The following LDLRAD4 variants were observed in gnomAD, a reference collection of about 807,000 sequenced individuals.
LDLRAD4 encodes the protein low density lipoprotein receptor class A domain containing 4.
In LDLRAD4, 5 loss-of-function variants were observed where a neutral mutation model predicts 17.0. That is an observed-to-expected ratio of 0.29 (90% CI 0.15 to 0.62). The LOEUF (loss-of-function observed/expected upper bound fraction) is 0.62, where lower values mean the gene tolerates loss of function less well. Among genes scored for constraint, LDLRAD4 ranks in the 20% least tolerant of loss-of-function variants. LDLRAD4 has a pLI of 0.84. For missense variants in LDLRAD4, 340 were observed against 424.7 expected (o/e 0.80, Z 1.75); for synonymous variants, 168 against 171.8 (o/e 0.98, Z 0.17).
At chr18:13,481,050 G>A (rs1623787) in intron 3 of LDLRAD4, among the ~76,000 whole-genome samples, 127,027 of 152,224 alleles carry the variant, frequency 0.83, 57,085 homozygotes, top group Non-Finnish European at 1. Context: ...TCCTAGGGAC[G>A]GACATGGGGT....
intron 3 of LDLRAD4, among the ~76,000 whole-genome samples, chr18:13,587,902 C>T (rs544314545): frequency 3.3e-5 from 5 of 152,248 alleles, no homozygotes; most frequent in Admixed American, 1.3e-4. Context: ...TAGTAATAGC[C>T]GGTAGCTGAT....
At chr18:13,583,101 G>A (rs200365922) in intron 3 of LDLRAD4, among the ~76,000 whole-genome samples, 36 of 152,110 alleles carry the variant, frequency 2.4e-4, no homozygotes, top group African/African-American at 7.2e-4. Context: ...TATTTCACCC[G>A]CACCATAAGA....
At chr18:13,236,221 A>G (rs2042323677) in intron 1 of LDLRAD4, among the ~76,000 whole-genome samples, 1 of 151,680 alleles carries the variant, frequency 6.6e-6, no homozygotes, top group Non-Finnish European at 1.5e-5. Flanking sequence ...GTTTCTCGTT[A>G]GATGTGGAAA....
chr18:13,513,512 G>A (rs2093814813), intron 3 of LDLRAD4, among the ~76,000 whole-genome samples: 1 of 152,176 alleles, frequency 6.6e-6, no homozygotes, highest in African/African-American at 2.4e-5. Context: ...GCAAACTTCA[G>A]GAGCTTCAGA....
At chr18:13,479,753 A>AT (rs2093037660) in intron 3 of LDLRAD4, among the ~76,000 whole-genome samples, 1 of 152,256 alleles carries the variant, frequency 6.6e-6, no homozygotes, top group South Asian at 2.1e-4. Context: ...AAAAAACCTG[A>AT]TTAAAAAATT....
At chr18:13,384,316 G>A (rs1443002118) in intron 1 of LDLRAD4, among the ~76,000 whole-genome samples, 1 of 151,926 alleles carries the variant, frequency 6.6e-6, no homozygotes, top group African/African-American at 2.4e-5. Flanking sequence ...ATATATGTGG[G>A]GTACAATGTA....
At chr18:13,550,810 A>G (rs2094425370) in intron 3 of LDLRAD4, among the ~76,000 whole-genome samples, 1 of 152,170 alleles carries the variant, frequency 6.6e-6, no homozygotes, top group African/African-American at 2.4e-5. Context: ...AGTGGTGTCC[A>G]GAACCTGGCT....
At chr18:13,373,349 A>G (rs185441672) in intron 1 of LDLRAD4, among the ~76,000 whole-genome samples, 106 of 152,226 alleles carry the variant, frequency 7.0e-4, no homozygotes, top group Non-Finnish European at 1.1e-3. Flanking sequence ...GTATAAATAT[A>G]TGTGTATTTT....
chr18:13,424,123 G>A (rs2089724252), intron 2 of LDLRAD4, among the ~76,000 whole-genome samples: 1 of 126,472 alleles, frequency 7.9e-6, no homozygotes, highest in East Asian at 2.4e-4. Flanking sequence ...CGACGAGAGT[G>A]AAACTCCATC....
intron 2 of LDLRAD4, among the ~76,000 whole-genome samples, chr18:13,428,039 T>C (rs9959699): frequency 0.38 from 58,022 of 152,098 alleles, 12,704 homozygotes; most frequent in Non-Finnish European, 0.5. Context: ...TTGCTGGCCA[T>C]GTACCACACT....
At chr18:13,373,835 A>T (rs1235701085) in intron 1 of LDLRAD4, among the ~76,000 whole-genome samples, 5 of 152,172 alleles carry the variant, frequency 3.3e-5, no homozygotes, top group Admixed American at 3.3e-4. Context: ...TTTCATTTAG[A>T]CTGGATTTTA....
chr18:13,479,439 G>T (rs892988976), intron 3 of LDLRAD4, among the ~76,000 whole-genome samples: 1 of 152,180 alleles, frequency 6.6e-6, no homozygotes. Flanking sequence ...TGGCCAACAT[G>T]GCATAACCCC....
At chr18:13,460,618 G>A (rs1231646213) in intron 3 of LDLRAD4, among the ~76,000 whole-genome samples, 1 of 152,208 alleles carries the variant, frequency 6.6e-6, no homozygotes, top group Non-Finnish European at 1.5e-5. Context: ...CATATCTGAT[G>A]AGAAGGTAGT....
chr18:13,520,986 C>T lies in LDLRAD4; in HGVS notation c.181+82602C>T, dbSNP rs372365086. ...ACCTCTTGGACAGGCCACTGGAATTCGTCTTCCTGAAGACTCGCCATTGGA... is the reference window on the plus strand; with the variant it reads ...ACCTCTTGGACAGGCCACTGGAATTTGTCTTCCTGAAGACTCGCCATTGGA... On this transcript the variant is annotated intron_variant, in intron 3 of 5. Coordinates refer to ENST00000359446, the Ensembl canonical transcript of LDLRAD4. The T allele has an allele frequency of 9.2e-5, 14 of 152,338 alleles. No individual in the cohort carries two copies. The East Asian group carries it at 1.5e-3, about 17-fold the overall frequency. 9.4% of individuals were successfully genotyped at this position (152,338 alleles called of 1,614,324 possible). A position where few individuals can be genotyped will look rare whatever the true frequency, so the allele number is the denominator to read the frequency against.
chr18:13,352,752 G>T (rs2144443940), intron 1 of LDLRAD4, among the ~76,000 whole-genome samples: 2 of 151,892 alleles, frequency 1.3e-5, no homozygotes, highest in South Asian at 2.1e-4. Flanking sequence ...AGCCTCTTAG[G>T]CTCTGTTCAC....
intron 1 of LDLRAD4, among the ~76,000 whole-genome samples, chr18:13,263,736 C>T (rs541767760): frequency 1.3e-5 from 2 of 152,242 alleles, no homozygotes; most frequent in East Asian, 1.9e-4. Flanking sequence ...AATCATGTTC[C>T]GAGCTTGAGA....
At chr18:13,318,901 A>G (rs1012768582) in intron 1 of LDLRAD4, among the ~76,000 whole-genome samples, 2 of 152,170 alleles carry the variant, frequency 1.3e-5, no homozygotes, top group African/African-American at 4.8e-5. Context: ...TCCACCACGG[A>G]CCGCAGTCCC....
intron 3 of LDLRAD4, among the ~76,000 whole-genome samples, chr18:13,571,667 C>A (rs76136438): frequency 1.3e-5 from 2 of 152,024 alleles, no homozygotes; most frequent in East Asian, 1.9e-4. Context: ...GATGGATTCT[C>A]GCTCTGTTGC....
At chr18:13,437,181 C>G (rs1600259866) in intron 2 of LDLRAD4, among the ~76,000 whole-genome samples, 1 of 152,202 alleles carries the variant, frequency 6.6e-6, no homozygotes, top group Admixed American at 6.5e-5. Flanking sequence ...GCCTGCCACC[C>G]TTATTCCAGA....
Sources: gnomAD v4.1 joint callset for allele counts (sites outside exome capture counted in the v4.1 genomes callset) on GRCh38, gnomAD v4.1.1 for gene constraint, MANE v1.5 for transcripts, NCBI Gene and HGNC (gene_info 2026-07-23, HGNC 2026-07-21) for gene names.